Variants in FGF13 observed in about 807,000 individuals in gnomAD.
FGF13 encodes fibroblast growth factor homologous factor 2.
In FGF13, 2 loss-of-function variants were observed where a neutral mutation model predicts 19.5. The ratio of observed to expected loss-of-function variants is 0.10; its 90% CI spans 0.04 to 0.32. The LOEUF (loss-of-function observed/expected upper bound fraction) is 0.32. Ranked by LOEUF, FGF13 falls within the 10% of genes least tolerant of loss-of-function variation. The pLI is 1.00. For synonymous variants in FGF13, 72 were observed against 76.9 expected (o/e 0.94, Z 0.33); for missense variants, 113 against 192.7 (o/e 0.59, Z 2.45).
chrX:139,001,596 T>A (rs2092073751), intron 1 of FGF13, among the ~76,000 whole-genome samples: 1 of 111,832 alleles, frequency 8.9e-6, no homozygotes, highest in South Asian at 3.8e-4. Flanking sequence ...AAAATTCTCA[T>A]CATCACTGGT....
At chrX:138,985,321 G>A (rs749292950) in intron 1 of FGF13, among the ~76,000 whole-genome samples, 76 of 112,260 alleles carry the variant, frequency 6.8e-4, no homozygotes, top group African/African-American at 2.4e-3. Flanking sequence ...AACACACAGA[G>A]AGGAGAGGAC....
At chrX:138,996,582 T>C (rs1377417560) in intron 1 of FGF13, among the ~76,000 whole-genome samples, 1 of 112,688 alleles carries the variant, frequency 8.9e-6, no homozygotes, top group African/African-American at 3.2e-5. Flanking sequence ...AAGTTCAAAC[T>C]GGGTGGAGCC....
intron 3 of FGF13, among the ~76,000 whole-genome samples, chrX:138,749,189 G>C (rs2090378006): frequency 9.0e-6 from 1 of 110,596 alleles, no homozygotes; most frequent in Non-Finnish European, 1.9e-5. Flanking sequence ...AAGCATCCCA[G>C]AGAAGATGAT....
intron 1 of FGF13, among the ~76,000 whole-genome samples, chrX:139,001,032 A>C (rs1374441049): frequency 9.0e-6 from 1 of 111,713 alleles, no homozygotes; most frequent in Admixed American, 9.5e-5. Flanking sequence ...ATAACATCAC[A>C]AATCTACAAC....
intron 1 of FGF13, among the ~76,000 whole-genome samples, chrX:139,100,980 T>C (rs1185183878): frequency 3.6e-5 from 4 of 111,509 alleles, no homozygotes; most frequent in Non-Finnish European, 7.5e-5. Context: ...GCTTAGCATC[T>C]CAAAAAGACA....
chrX:139,166,935 T>C (rs945658184), intron 1 of FGF13, among the ~76,000 whole-genome samples: 7 of 111,519 alleles, frequency 6.3e-5, no homozygotes, highest in African/African-American at 2.3e-4. Context: ...AGACCCTTCA[T>C]GATCTGGCCC....
chrX:139,102,757 C>T (rs187926421), intron 1 of FGF13, among the ~76,000 whole-genome samples: 3 of 112,361 alleles, frequency 2.7e-5, no homozygotes, highest in East Asian at 5.7e-4. Flanking sequence ...CCAAATGGGC[C>T]GTACAGACGG....
intron 3 of FGF13, among the ~76,000 whole-genome samples, chrX:138,689,786 G>A (rs1325212837): frequency 8.9e-6 from 1 of 112,175 alleles, no homozygotes; most frequent in Non-Finnish European, 1.9e-5. Flanking sequence ...TGGTTCTGTT[G>A]ACACCCTATT....
intron 1 of FGF13, among the ~76,000 whole-genome samples, chrX:139,014,828 A>G (rs2092146244): frequency 9.0e-6 from 1 of 111,591 alleles, no homozygotes; most frequent in African/African-American, 3.2e-5. Context: ...ACAAAATATT[A>G]GCAAACCAAA....
At chrX:138,751,107 T>C (rs1399879174) in intron 3 of FGF13, among the ~76,000 whole-genome samples, 2 of 111,618 alleles carry the variant, frequency 1.8e-5, no homozygotes, top group Admixed American at 1.9e-4. Context: ...CCACTGGCTT[T>C]TGTCATTAGA....
At chrX:138,694,760 G>A (rs1184849305) in intron 3 of FGF13, among the ~76,000 whole-genome samples, 1 of 109,656 alleles carries the variant, frequency 9.1e-6, no homozygotes, top group Non-Finnish European at 1.9e-5. Context: ...ACAGGCGTGA[G>A]CCCACGTGCC....
rs1047664347 is a variant in FGF13, at chrX:138,630,923, T to A, written c.*1927A>T. 2 of 112,130 alleles carry A rather than the reference T, an allele frequency of 1.8e-5. No individual in the cohort carries two copies. Among genetic ancestry groups the A allele is most frequent in the Admixed American group, 1.9e-4 (2 of 10,556 alleles). The allele number at this position is 112,130 out of a possible 1,213,427, so 9.2% of individuals were successfully genotyped here. A position where few individuals can be genotyped will look rare whatever the true frequency, so the allele number is the denominator to read the frequency against. The stretch of plus-strand genomic sequence containing the variant: ...TATATTAGCTTACAGTTGGACAAAA[T>A]CATGTACTACAAAGCAAATTTTGTA... On this transcript the variant is annotated 3_prime_UTR_variant, in exon 5 of 5. Coordinates refer to ENST00000315930, the MANE Select transcript of FGF13 (RefSeq NM_004114.5).
chrX:138,899,353 CT>C (rs1211062179), intron 1 of FGF13, among the ~76,000 whole-genome samples: 3 of 111,282 alleles, frequency 2.7e-5, no homozygotes, highest in Non-Finnish European at 5.7e-5. Flanking sequence ...TACAATCCCC[CT>C]GTCATGTGCA....
At chrX:138,837,730 C>T (rs191244031) in intron 3 of FGF13, among the ~76,000 whole-genome samples, 35 of 111,117 alleles carry the variant, frequency 3.1e-4, no homozygotes, top group African/African-American at 7.5e-4. Flanking sequence ...TTTGTAGAGC[C>T]GCTGCACTGT....
At chrX:138,837,111 C>G (rs186396493) in intron 3 of FGF13, among the ~76,000 whole-genome samples, 1 of 112,119 alleles carries the variant, frequency 8.9e-6, no homozygotes, top group Non-Finnish European at 1.9e-5. Flanking sequence ...AGGTGGCGGG[C>G]AATCCCAGTT....
chrX:138,878,742 G>A (rs924854016), intron 1 of FGF13, among the ~76,000 whole-genome samples: 1 of 111,266 alleles, frequency 9.0e-6, no homozygotes, highest in Non-Finnish European at 1.9e-5. Flanking sequence ...CTTCACAATG[G>A]TTGAACTAGT....
At chrX:138,793,420 T>C (rs1259172063) in intron 3 of FGF13, among the ~76,000 whole-genome samples, 1 of 111,221 alleles carries the variant, frequency 9.0e-6, no homozygotes, top group South Asian at 3.8e-4. Context: ...AGCTACAGAT[T>C]CCAGGATGGT....
At chrX:139,115,386 G>A (rs2083632639) in intron 1 of FGF13, among the ~76,000 whole-genome samples, 1 of 112,045 alleles carries the variant, frequency 8.9e-6, no homozygotes, top group Non-Finnish European at 1.9e-5. Context: ...ATCACTAGGT[G>A]AGGCTTCCAA....
chrX:138,823,967 C>A (rs1267730707), intron 3 of FGF13, among the ~76,000 whole-genome samples: 1 of 111,908 alleles, frequency 8.9e-6, no homozygotes, highest in Non-Finnish European at 1.9e-5. Flanking sequence ...CAATAGTCAT[C>A]CAGTCTCTAG....
Sources: gnomAD v4.1 joint callset for allele counts (sites outside exome capture counted in the v4.1 genomes callset) on GRCh38, gnomAD v4.1.1 for gene constraint, MANE v1.5 for transcripts, NCBI Gene and HGNC (gene_info 2026-07-23, HGNC 2026-07-21) for gene names.